The following INPP5J variants were observed in gnomAD, a reference collection of about 807,000 sequenced individuals.
The protein encoded by INPP5J is inositol polyphosphate-5-phosphatase J.
INPP5J carries 75 observed loss-of-function variants against 86.6 expected under a neutral mutation model. That is an observed-to-expected ratio of 0.87 (90% CI 0.72 to 1.05). The LOEUF is 1.05. INPP5J is among the 50% of genes least tolerant of loss of function. The pLI is 0.00. For synonymous variants in INPP5J, 540 were observed against 550.0 expected, an observed-to-expected ratio of 0.98 and a Z score of 0.25; for missense variants, 1,229 against 1,341.2, an observed-to-expected ratio of 0.92 and a Z score of 1.31.
chr22:31,124,492 G>A (rs1394734539), intron 1 of INPP5J, among the ~76,000 whole-genome samples: 1 of 152,210 alleles, frequency 6.6e-6, no homozygotes, highest in African/African-American at 2.4e-5. Context: ...GACTGCAGTG[G>A]GAGGGTTGCC....
chr22:31,126,616 G>T lies in INPP5J; in HGVS notation c.1389G>T (p.Leu463Phe). The T allele has an allele frequency of 6.2e-7, 1 of 1,613,608 alleles. No homozygotes were observed. The highest frequency in any genetic ancestry group is 2.2e-5 in the East Asian group (1 of 44,876). Residue 463 changes from leucine to phenylalanine, a missense_variant, in exon 4 of 13, where the codon TTG becomes TTT. Transcript: ENST00000331075. ...SDGADMIAIGLQEVNSMLNKR... is the reference protein window; with the variant it reads ...SDGADMIAIGFQEVNSMLNKR... ...CACCCTGCCCCCACCCCTCCAGGTT[G>T]CAGGAAGTGAACTCCATGCTCAACA...
rs866564988 is a variant in INPP5J at position 31,128,377 on chromosome 22, C to G, written c.2009+54C>G. ...GGAAGTGGGCTGAGGTCTTCTCGAA[C>G]AGGGAGACTTTGGGAAGAGGGGCAG... On this transcript the variant is annotated intron_variant, in intron 8 of 12. Coordinates refer to ENST00000331075, the MANE Select transcript of INPP5J (RefSeq NM_001284285.2). 8 of 1,565,992 alleles carry G rather than the reference C, an allele frequency of 5.1e-6. No homozygotes were observed. In the Middle Eastern group the frequency reaches 1.2e-3, roughly 228 times the overall value.
At chr22:31,129,539 GC>G in intron 9 of INPP5J, among the ~76,000 whole-genome samples, 1 of 116,840 alleles carries the variant, frequency 8.6e-6, no homozygotes, top group African/African-American at 3.3e-5. Flanking sequence ...TGTGCCCGGC[GC>G]CCTTTTTTTT....
intron 1 of INPP5J, chr22:31,124,063 A>T (rs1257642020): frequency 6.5e-6 from 1 of 154,926 alleles, no homozygotes; most frequent in Non-Finnish European, 1.4e-5. Flanking sequence ...TGGGCTCATA[A>T]ATGCAGACAA....
Position 31,133,224 on chromosome 22 carries a change from G to A in INPP5J, c.2320G>A (p.Gly774Ser), listed in dbSNP as rs773193071. 1.0e-5 allele frequency: 16 copies of A among 1,606,646 alleles called. No individual in the cohort carries two copies. The highest frequency in any genetic ancestry group is 6.7e-5 in the East Asian group (3 of 44,764). Residue 774 changes from glycine to serine, a missense_variant, in exon 10 of 13, where the codon GGC (glycine) becomes AGC (serine). Coordinates refer to ENST00000331075, the MANE Select transcript of INPP5J (RefSeq NM_001284285.2). Reference sequence around the variant, plus strand: ...CGCCCGCAGCTCCTGGGACTGGATCGGCTTATACCGGGTGAGAGGGGCAGT... The same window carrying A: ...CGCCCGCAGCTCCTGGGACTGGATCAGCTTATACCGGGTGAGAGGGGCAGT... ...VFARSSWDWI[G>S]LYRVGFRHCK...
chr22:31,134,404 G>C lies in INPP5J; in HGVS notation c.3006G>C (p.Gly1002=), dbSNP rs909357110. 35 of 1,461,236 alleles carry C rather than the reference G, an allele frequency of 2.4e-5. No individual in the cohort carries two copies. The highest frequency in any genetic ancestry group is 3.1e-5 in the Non-Finnish European group (34 of 1,105,664). 90.5% of individuals were successfully genotyped at this position (1,461,236 alleles called of 1,614,324 possible). A position where few individuals can be genotyped will look rare whatever the true frequency, so the allele number is the denominator to read the frequency against. ...AGGGCCATCGGGGGCTGGAGGAAGG[G>C]GGCCTGGGGCCCTGAGGGTGGGGTA... ...SPQGHRGLEE[G]GLGP Residue 1002 remains glycine (G), a synonymous_variant, in exon 13 of 13, where the codon GGG becomes GGC. Coordinates refer to ENST00000331075, the MANE Select transcript of INPP5J (RefSeq NM_001284285.2).
At chr22:31,124,623 AAG>A (rs1569283994) in intron 1 of INPP5J, among the ~76,000 whole-genome samples, 1 of 152,178 alleles carries the variant, frequency 6.6e-6, no homozygotes, top group Non-Finnish European at 1.5e-5. Flanking sequence ...CCATCTGTGA[AAG>A]AGGTTTCAGA....
chr22:31,125,182 C>T lies in INPP5J; in HGVS notation c.443C>T (p.Pro148Leu), dbSNP rs1172150014. The change falls in exon 2 of 13, where the codon CCA becomes CTA. Residue 148 changes from proline (P) to leucine (L), a missense_variant. By Grantham distance (98) the Pro-to-Leu change is moderately conservative. Coordinates refer to ENST00000331075, the MANE Select transcript of INPP5J (RefSeq NM_001284285.2). The stretch of plus-strand genomic sequence containing the variant: ...CTGGTGATGCCTGCCTCAGCAGGGC[C>T]AAGATCTCCCCCAGTCACCCTGGGG... ...LGLVMPASAG[P>L]RSPPVTLGPN... 1.3e-6 allele frequency: 2 copies of T among 1,550,480 alleles called. No homozygotes were observed. The highest frequency in any genetic ancestry group is 2.4e-5 in the East Asian group (1 of 40,912).
chr22:31,128,397 G>C, intron 8 of INPP5J, 74 bp downstream of exon 8: 1 of 1,577,832 alleles, frequency 6.3e-7, no homozygotes, highest in Middle Eastern at 1.7e-4. Flanking sequence ...TTGGGAAGAG[G>C]GGCAGGAGGC....
In INPP5J at chr22:31,124,969, T is replaced by C; in HGVS notation, c.230T>C (p.Leu77Pro). The change falls in exon 2 of 13, where the codon CTG becomes CCG. Residue 77 changes from leucine to proline, a missense_variant. Physicochemically the swap from Leu to Pro is moderately conservative, Grantham distance 98. Coordinates refer to ENST00000331075, the MANE Select transcript of INPP5J (RefSeq NM_001284285.2). Reference sequence around the variant, plus strand: ...TCAGCTTCCTCGGAAGGACCGAGGCTGGCTCTGGCATCTCCCCGACCAATC... The same window carrying C: ...TCAGCTTCCTCGGAAGGACCGAGGCCGGCTCTGGCATCTCCCCGACCAATC... ...AMSASSEGPR[L>P]ALASPRPILA... is the part of the protein sequence containing the mutation. 2 of 1,603,426 alleles carry C rather than the reference T, an allele frequency of 1.2e-6. No homozygotes were observed. The highest frequency in any genetic ancestry group is 1.7e-6 in the Non-Finnish European group (2 of 1,175,078).
In INPP5J at chr22:31,126,306, T is replaced by C. The variant is rs1675723690; in HGVS notation, c.1272-70T>C. The C allele has an allele frequency of 3.1e-6, 4 of 1,291,852 alleles. No individual in the cohort carries two copies. In the African/African-American group the frequency reaches 5.8e-5, roughly 19 times the overall value. 80.0% of individuals were successfully genotyped at this position (1,291,852 alleles called of 1,614,324 possible). On this transcript the variant is annotated intron_variant, in intron 2 of 12. Transcript: ENST00000331075. ...TGCCTCCATTTAGTTCCCCAGGGAG[T>C]CCTGTGAAAGGAAGCTTGAGGGTGA...
rs1446551566 is a variant in INPP5J, at chr22:31,125,696, C to T, written c.957C>T (p.Ser319=). Residue 319 remains serine (S), a synonymous_variant, in exon 2 of 13, where the codon TCC becomes TCT. Coordinates refer to ENST00000331075, the MANE Select transcript of INPP5J (RefSeq NM_001284285.2). ...GTCCTTCAGAGCCTGGCACTCACTC[C>T]CCTGGACTTCTGTCCCCCACCTTCC... ...GQGPSEPGTH[S]PGLLSPTFRP... 1.3e-6 allele frequency: 2 copies of T among 1,551,106 alleles called. No homozygotes were observed. Among genetic ancestry groups the T allele is most frequent in the Non-Finnish European group, 1.7e-6 (2 of 1,146,946 alleles).
chr22:31,127,580 G>A, intron 6 of INPP5J, 48 bp downstream of exon 6: 1 of 1,556,430 alleles, frequency 6.4e-7, no homozygotes, highest in Non-Finnish European at 8.7e-7. Flanking sequence ...GGCTAGTGAT[G>A]GGGGTTTTTG....
rs1345331804 is a variant in INPP5J at position 31,125,576 on chromosome 22, C to A, written c.837C>A (p.Pro279=). 1.3e-6 allele frequency: 2 copies of A among 1,550,454 alleles called. No individual in the cohort carries two copies. The highest frequency in any genetic ancestry group is 2.0e-5 in the Admixed American group (1 of 50,990). ...CCTCCCCAGACCCTCGGCTCTCCCC[C>A]TCCTTCCGAGCCCGGCCTGAGGCCC... is the stretch of plus-strand genomic sequence containing the variant. ...IQTSPDPRLS[P]SFRARPEALH... Residue 279 remains proline (P), a synonymous_variant, in exon 2 of 13, where the codon CCC becomes CCA. Transcript: ENST00000331075.
chr22:31,126,696 C>T lies in INPP5J; in HGVS notation c.1469C>T (p.Ala490Val), dbSNP rs757811420. The T allele has an allele frequency of 2.5e-6, 4 of 1,613,704 alleles. No homozygotes were observed. Among genetic ancestry groups the T allele is most frequent in the African/African-American group, 1.3e-5 (1 of 75,036 alleles). The change falls in exon 4 of 13, where the codon GCG becomes GTG. Residue 490 changes from alanine to valine, a missense_variant. By Grantham distance (64) the Ala-to-Val change is moderately conservative. Transcript: ENST00000331075. The part of the protein sequence containing the change: ...TDQWSELFMD[A>V]LGPFNFVLVS... ...CAGTGGAGTGAGCTGTTCATGGATG[C>T]GCTAGGGCCCTTCAACTTCGTGCTG...
At chr22:31,127,564 G>A (rs929384487) in intron 6 of INPP5J, 32 bp downstream of exon 6, 26 of 1,592,194 alleles carry the variant, frequency 1.6e-5, no homozygotes, top group Non-Finnish European at 2.1e-5. Flanking sequence ...AATAGAGCTT[G>A]GGTGGGGCTA....
At chr22:31,127,821 C>G (rs1921643244) in intron 6 of INPP5J, 130 bp from the exon 7 acceptor site, 1 of 672,086 alleles carries the variant, frequency 1.5e-6, no homozygotes. Context: ...GCTCTGGCAC[C>G]ACTCACCCAC....
intron 9 of INPP5J, among the ~76,000 whole-genome samples, chr22:31,130,052 C>CA (rs930705971): frequency 1.3e-5 from 2 of 151,398 alleles, no homozygotes; most frequent in Non-Finnish European, 2.9e-5. Context: ...TAAAAAAAAT[C>CA]AAAAAAAGGC....
chr22:31,132,208 A>G (rs1033917797), intron 9 of INPP5J, among the ~76,000 whole-genome samples: 1 of 152,238 alleles, frequency 6.6e-6, no homozygotes, highest in Non-Finnish European at 1.5e-5. Context: ...GCGAGTTAGC[A>G]GTAGAGCCTG....
Sources: allele counts gnomAD v4.1 joint callset (sites outside exome capture counted in the v4.1 genomes callset), GRCh38; gene constraint gnomAD v4.1.1; transcripts MANE v1.5; gene names NCBI Gene and HGNC (gene_info 2026-07-23, HGNC 2026-07-21).